CFAP299: variants seen among roughly 807,000 people sequenced by gnomAD.
The protein encoded by CFAP299 is cilia- and flagella-associated protein 299.
Under a neutral mutation model 27.0 loss-of-function variants are expected in CFAP299, and 21 were observed. The observed-to-expected ratio is 0.78, with a 90% confidence interval of 0.55 to 1.12. The LOEUF is 1.12. CFAP299 is among the 50% of genes most tolerant of loss of function. The probability of loss-of-function intolerance (pLI) is 0.00; values close to 1 mark genes in which losing one functional copy is unlikely to be tolerated. For synonymous variants in CFAP299, 104 were observed against 98.1 expected (o/e 1.06, Z -0.36); for missense variants, 310 against 276.6 (o/e 1.12, Z -0.86).
Position 80,947,217 on chromosome 4 carries a change from A to G in CFAP299, c.606+2278A>G, listed in dbSNP as rs190831887. Reference sequence around the variant, plus strand: ...TAGATTTTATGATAAATTTGAAGAAATTTTTTTCCAACTCTTGAATAAAGA... The same window carrying G: ...TAGATTTTATGATAAATTTGAAGAAGTTTTTTTCCAACTCTTGAATAAAGA... On this transcript the variant is annotated intron_variant, in intron 5 of 5. Coordinates refer to ENST00000358105, the MANE Select transcript of CFAP299 (RefSeq NM_152770.3). Among the ~76,000 whole-genome samples the G allele has an allele frequency of 4.0e-3, 616 of 152,212 alleles. 1 individual carries two copies. The highest frequency in any genetic ancestry group is 0.014 in the Middle Eastern group (4 of 294).
chr4:80,920,395 C>T lies in CFAP299; in HGVS notation c.477-24415C>T, dbSNP rs377134423. Among the ~76,000 whole-genome samples, 19 of 152,218 alleles carry T rather than the reference C, an allele frequency of 1.2e-4. 1 individual carries two copies. The South Asian group carries it at 1.5e-3, about 12-fold the overall frequency. On this transcript the variant is annotated intron_variant, in intron 4 of 5. Transcript: ENST00000358105. ...CAGATTGTAGTGTCAGCATACCTGA[C>T]CTGCTTCATTATACTTCACTGTACA...
At chr4:80,661,298 C>A (rs979231328) in intron 3 of CFAP299, among the ~76,000 whole-genome samples, 1 of 149,206 alleles carries the variant, frequency 6.7e-6, no homozygotes, top group African/African-American at 2.5e-5. Flanking sequence ...TGCACTCTAG[C>A]CTGGGTGACA....
At chr4:80,469,154 A>T (rs1166262696) in intron 2 of CFAP299, among the ~76,000 whole-genome samples, 4 of 152,208 alleles carry the variant, frequency 2.6e-5, no homozygotes, top group African/African-American at 4.8e-5. Context: ...ATTTGTTAAA[A>T]ATTTAAATTC....
At chr4:80,891,351 G>C (rs932480146) in intron 4 of CFAP299, among the ~76,000 whole-genome samples, 2 of 151,604 alleles carry the variant, frequency 1.3e-5, no homozygotes, top group Admixed American at 1.3e-4. Flanking sequence ...TCTCAGGTTT[G>C]TCAAAGATCA....
intron 3 of CFAP299, among the ~76,000 whole-genome samples, chr4:80,793,422 G>A (rs1471874277): frequency 6.6e-6 from 1 of 151,950 alleles, no homozygotes; most frequent in Non-Finnish European, 1.5e-5. Context: ...TGATTAAAAT[G>A]TTAATCTCCT....
intron 3 of CFAP299, among the ~76,000 whole-genome samples, chr4:80,704,441 A>T (rs1721701764): frequency 6.6e-6 from 1 of 151,708 alleles, no homozygotes; most frequent in African/African-American, 2.4e-5. Context: ...GAATTTAAGG[A>T]ATGCAGAGTT....
At chr4:80,714,879 A>G (rs748125490) in intron 3 of CFAP299, among the ~76,000 whole-genome samples, 1 of 152,080 alleles carries the variant, frequency 6.6e-6, no homozygotes, top group Non-Finnish European at 1.5e-5. Context: ...TCTACTAATC[A>G]TACTTCCGAC....
chr4:80,639,195 G>A (rs1739600030), intron 3 of CFAP299, among the ~76,000 whole-genome samples: 1 of 152,144 alleles, frequency 6.6e-6, no homozygotes, highest in African/African-American at 2.4e-5. Context: ...CTAGGCATAA[G>A]TAAGACACAA....
At chr4:80,674,091 T>A (rs1719224692) in intron 3 of CFAP299, among the ~76,000 whole-genome samples, 1 of 152,192 alleles carries the variant, frequency 6.6e-6, no homozygotes, top group Admixed American at 6.5e-5. Flanking sequence ...TTTTGCCCGT[T>A]AGTTGATGCA....
intron 3 of CFAP299, among the ~76,000 whole-genome samples, chr4:80,693,236 A>G (rs1720854175): frequency 6.6e-6 from 1 of 152,138 alleles, no homozygotes; most frequent in African/African-American, 2.4e-5. Flanking sequence ...TTCTATAAAG[A>G]CACATGTACA....
chr4:80,529,453 C>G (rs555265222), intron 2 of CFAP299, among the ~76,000 whole-genome samples: 2 of 152,048 alleles, frequency 1.3e-5, no homozygotes, highest in Non-Finnish European at 2.9e-5. Flanking sequence ...TGCTATTGTA[C>G]GTATGTATTG....
chr4:80,461,851 A>G (rs1033384949), intron 2 of CFAP299, among the ~76,000 whole-genome samples: 18 of 152,144 alleles, frequency 1.2e-4, no homozygotes, highest in African/African-American at 3.4e-4. Flanking sequence ...TTTGCATCCT[A>G]TATCACAGAA....
At chr4:80,902,496 ATATGGATATATATCCATATG>A (rs1238395238) in intron 4 of CFAP299, among the ~76,000 whole-genome samples, 1 of 123,138 alleles carries the variant, frequency 8.1e-6, no homozygotes, top group African/African-American at 4.1e-5. Flanking sequence ...ATATACATAT[ATATGGATATATATCCATATG>A]TATGGATACA....
At chr4:80,438,629 T>G (rs1728205746) in intron 2 of CFAP299, among the ~76,000 whole-genome samples, 1 of 152,230 alleles carries the variant, frequency 6.6e-6, no homozygotes, top group South Asian at 2.1e-4. Flanking sequence ...CATCTGTCTG[T>G]TTTTAAAATC....
chr4:80,775,929 C>A (rs976392806), intron 3 of CFAP299, among the ~76,000 whole-genome samples: 2 of 152,130 alleles, frequency 1.3e-5, no homozygotes, highest in Middle Eastern at 3.4e-3. Flanking sequence ...CAATTTGATG[C>A]CATTTGAGGA....
chr4:80,403,768 G>A (rs1213592301), intron 2 of CFAP299, among the ~76,000 whole-genome samples: 1 of 152,092 alleles, frequency 6.6e-6, no homozygotes, highest in East Asian at 1.9e-4. Context: ...CTCCTTAACT[G>A]CATTTAAGCT....
At chr4:80,402,887 C>A (rs2110051849) in intron 2 of CFAP299, among the ~76,000 whole-genome samples, 1 of 152,214 alleles carries the variant, frequency 6.6e-6, no homozygotes, top group South Asian at 2.1e-4. Flanking sequence ...CTGAGTACCA[C>A]CTGACAATAT....
intron 3 of CFAP299, among the ~76,000 whole-genome samples, chr4:80,692,865 C>T (rs1307500002): frequency 6.6e-6 from 1 of 151,986 alleles, no homozygotes; most frequent in East Asian, 1.9e-4. Flanking sequence ...AAACAAACAA[C>T]CCCATCAAAA....
At chr4:80,467,213 A>C (rs1207244834) in intron 2 of CFAP299, among the ~76,000 whole-genome samples, 1 of 152,184 alleles carries the variant, frequency 6.6e-6, no homozygotes, top group Middle Eastern at 3.2e-3. Flanking sequence ...TCAAGGTGAA[A>C]GTATTTACAC....
Sources: gnomAD v4.1 joint callset for allele counts (sites outside exome capture counted in the v4.1 genomes callset) on GRCh38, gnomAD v4.1.1 for gene constraint, MANE v1.5 for transcripts, NCBI Gene and HGNC (gene_info 2026-07-23, HGNC 2026-07-21) for gene names.